SOX5: variants seen among roughly 807,000 people sequenced by gnomAD.
The protein encoded by SOX5 is transcription factor SOX-5.
Under a neutral mutation model 92.0 loss-of-function variants are expected in SOX5, and 9 were observed. The ratio of observed to expected loss-of-function variants is 0.10; its 90% CI spans 0.06 to 0.17. The LOEUF (loss-of-function observed/expected upper bound fraction) is 0.17, where lower values mean the gene tolerates loss of function less well. Ranked by LOEUF, SOX5 falls within the 10% of genes least tolerant of loss-of-function variation. The probability of loss-of-function intolerance (pLI) is 1.00; values close to 1 mark genes in which losing one functional copy is unlikely to be tolerated. For missense variants in SOX5, 642 were observed against 944.5 expected (o/e 0.68, Z 4.20); for synonymous variants, 344 against 336.3 (o/e 1.02, Z -0.25).
At chr12:24,023,044 G>A (rs533358884) in intron 4 of SOX5, among the ~76,000 whole-genome samples, 1 of 152,082 alleles carries the variant, frequency 6.6e-6, no homozygotes, top group Admixed American at 6.6e-5. Flanking sequence ...TAATGGCAGT[G>A]CTTTTTCCAA....
At chr12:24,013,325 C>T (rs915073877) in intron 4 of SOX5, among the ~76,000 whole-genome samples, 1 of 152,140 alleles carries the variant, frequency 6.6e-6, no homozygotes, top group African/African-American at 2.4e-5. Context: ...ACGAAACTTA[C>T]TTTCTTCATA....
chr12:23,663,458 G>A (rs1012521162), intron 7 of SOX5, among the ~76,000 whole-genome samples: 1 of 151,998 alleles, frequency 6.6e-6, no homozygotes, highest in Non-Finnish European at 1.5e-5. Flanking sequence ...CCAGGCCTAC[G>A]GTTATGCTAT....
intron 4 of SOX5, among the ~76,000 whole-genome samples, chr12:24,182,628 C>T (rs1009304457): frequency 1.3e-5 from 2 of 151,764 alleles, no homozygotes; most frequent in South Asian, 2.1e-4. Flanking sequence ...CTTTCTCCAA[C>T]GTACTTTAAG....
intron 2 of SOX5, among the ~76,000 whole-genome samples, chr12:23,863,820 A>T (rs2096782743): frequency 7.9e-6 from 1 of 126,474 alleles, no homozygotes; most frequent in African/African-American, 3.0e-5. Context: ...ACACACACAC[A>T]CACACACACA....
intron 4 of SOX5, among the ~76,000 whole-genome samples, chr12:24,040,985 G>A (rs894741956): frequency 6.6e-6 from 1 of 151,998 alleles, no homozygotes; most frequent in East Asian, 1.9e-4. Context: ...GTGACTGGGG[G>A]GAAACACTTT....
At chr12:24,383,555 C>A (rs899615055) in intron 1 of SOX5, among the ~76,000 whole-genome samples, 1 of 152,154 alleles carries the variant, frequency 6.6e-6, no homozygotes, top group Non-Finnish European at 1.5e-5. Flanking sequence ...CCACTCTGTC[C>A]TGCCCAGGAC....
chr12:23,794,188 T>C (rs1183067250), intron 3 of SOX5, among the ~76,000 whole-genome samples: 2 of 152,162 alleles, frequency 1.3e-5, no homozygotes, highest in Non-Finnish European at 2.9e-5. Context: ...TTCTCTTTAA[T>C]TGGTGTGCTG....
intron 1 of SOX5, among the ~76,000 whole-genome samples, chr12:23,934,430 T>C: frequency 6.7e-6 from 1 of 149,396 alleles, no homozygotes; most frequent in East Asian, 2.0e-4. Context: ...TGTATATATG[T>C]ATACACATTA....
intron 11 of SOX5, among the ~76,000 whole-genome samples, chr12:23,555,278 C>A (rs888361207): frequency 6.6e-6 from 1 of 151,990 alleles, no homozygotes; most frequent in Non-Finnish European, 1.5e-5. Context: ...CCTCGAATCC[C>A]TAAACAAATA....
rs994922790 is a variant in SOX5 at position 23,592,148 on chromosome 12, G to A, written c.1164+12239C>T. Among the ~76,000 whole-genome samples, 7 of 152,054 alleles carry A rather than the reference G, an allele frequency of 4.6e-5. No individual in the cohort carries two copies. In the South Asian group the frequency reaches 6.2e-4, roughly 14 times the overall value. ...AGAGCTTTAAGAAAATATAATTTGC[G>A]GTTTCGTGAAAATGTGAGGTTATTA... On this transcript the variant is annotated intron_variant, in intron 9 of 14. Coordinates refer to ENST00000451604, the MANE Select transcript of SOX5 (RefSeq NM_006940.6).
chr12:23,547,591 C>A (rs1325197744), intron 11 of SOX5, among the ~76,000 whole-genome samples: 1 of 151,954 alleles, frequency 6.6e-6, no homozygotes, highest in Non-Finnish European at 1.5e-5. Context: ...TCAATGAAGT[C>A]TCTGACAATG....
At chr12:24,036,712 G>A (rs2136939098) in intron 4 of SOX5, among the ~76,000 whole-genome samples, 1 of 152,154 alleles carries the variant, frequency 6.6e-6, no homozygotes, top group East Asian at 1.9e-4. Flanking sequence ...ACAAACTGTG[G>A]ACTCAGTGAT....
At chr12:24,205,267 C>A (rs183086973) in intron 4 of SOX5, among the ~76,000 whole-genome samples, 2 of 152,266 alleles carry the variant, frequency 1.3e-5, no homozygotes, top group Admixed American at 1.3e-4. Context: ...TATCCCAACT[C>A]CTAGCACAAT....
chr12:24,429,333 A>AAAACC (rs1937790051), intron 1 of SOX5, among the ~76,000 whole-genome samples: 1 of 151,682 alleles, frequency 6.6e-6, no homozygotes, highest in African/African-American at 2.4e-5. Flanking sequence ...AAAACAAAAC[A>AAAACC]AAAAAACAAA....
At chr12:23,591,189 T>A (rs1951494955) in intron 9 of SOX5, among the ~76,000 whole-genome samples, 1 of 152,076 alleles carries the variant, frequency 6.6e-6, no homozygotes, top group African/African-American at 2.4e-5. Flanking sequence ...AAAATCCTTA[T>A]ACAGACACAT....
intron 1 of SOX5, among the ~76,000 whole-genome samples, chr12:24,430,311 T>C (rs558358963): frequency 6.6e-6 from 1 of 152,202 alleles, no homozygotes; most frequent in African/African-American, 2.4e-5. Flanking sequence ...CAAAATACCA[T>C]TATGAAAGTG....
At chr12:24,106,190 GA>G (rs11360931) in intron 4 of SOX5, among the ~76,000 whole-genome samples, 6,290 of 117,904 alleles carry the variant, frequency 0.053, 267 homozygotes, top group African/African-American at 0.13. Context: ...CTGGTAATTA[GA>G]AAAAAAAAAA....
intron 4 of SOX5, among the ~76,000 whole-genome samples, chr12:24,142,970 GCC>G (rs1312622410): frequency 6.6e-6 from 1 of 151,952 alleles, no homozygotes; most frequent in Non-Finnish European, 1.5e-5. Flanking sequence ...AGGGAAAAGA[GCC>G]ACTCAAGAGG....
At chr12:24,241,592 T>C (rs989356726) in intron 3 of SOX5, among the ~76,000 whole-genome samples, 2 of 145,518 alleles carry the variant, frequency 1.4e-5, no homozygotes, top group African/African-American at 4.9e-5. Flanking sequence ...AAATCAAAAC[T>C]CCATTCCTAG....
Sources: allele counts gnomAD v4.1 joint callset (sites outside exome capture counted in the v4.1 genomes callset), GRCh38; gene constraint gnomAD v4.1.1; transcripts MANE v1.5; gene names NCBI Gene and HGNC (gene_info 2026-07-23, HGNC 2026-07-21).